The following PLCG2 variants were observed in gnomAD, a reference collection of about 807,000 sequenced individuals.
PLCG2 encodes the protein 1-phosphatidylinositol 4,5-bisphosphate phosphodiesterase gamma-2.
In PLCG2, 69 loss-of-function variants were observed where a neutral mutation model predicts 175.6. The observed-to-expected ratio is 0.39, with a 90% CI of 0.32 to 0.48. PLCG2 has a LOEUF of 0.48. Ranked by LOEUF, PLCG2 falls within the 20% of genes least tolerant of loss-of-function variation. PLCG2 has a pLI of 0.91. For synonymous variants in PLCG2, 827 were observed against 624.0 expected, an observed-to-expected ratio of 1.33 and a Z score of -4.85; for missense variants, 1,798 against 1,650.9, an observed-to-expected ratio of 1.09 and a Z score of -1.54.
Position 81,900,512 on chromosome 16 carries a change from C to T in PLCG2, c.1194-100C>T, listed in dbSNP as rs74029298. ...GGGGTTGTGCCCCCCGAGCAGCGCC[C>T]GGTTTCTGTCGTCCCAGGGAGCTGC... is the stretch of plus-strand genomic sequence containing the variant. On this transcript the variant is annotated intron_variant, in intron 13 of 32. Transcript: ENST00000564138. 4,432 of 1,088,332 alleles carry T rather than the reference C, an allele frequency of 4.1e-3. 144 individuals carry two copies. In the African/African-American group the frequency reaches 0.064, roughly 16 times the overall value. 67.4% of individuals were successfully genotyped at this position (1,088,332 alleles called of 1,614,324 possible). A position where few individuals can be genotyped will look rare whatever the true frequency, so the allele number is the denominator to read the frequency against.
At chr16:81,805,857 A>G (rs1413410885) in intron 2 of PLCG2, among the ~76,000 whole-genome samples, 2 of 145,416 alleles carry the variant, frequency 1.4e-5, no homozygotes, top group Admixed American at 1.4e-4. Flanking sequence ...GGTGAAGTGA[A>G]TCAAACTCCT....
intron 23 of PLCG2, among the ~76,000 whole-genome samples, chr16:81,928,145 C>G (rs78835630): frequency 3.6e-3 from 555 of 152,162 alleles, no homozygotes; most frequent in African/African-American, 0.013. Context: ...AAAGCCAGGT[C>G]ATAGAGCATG....
At chr16:81,763,932 A>T (rs190362862) in intron 2 of PLCG2, among the ~76,000 whole-genome samples, 1 of 151,934 alleles carries the variant, frequency 6.6e-6, no homozygotes, top group African/African-American at 2.4e-5. Flanking sequence ...TTGCCACTGC[A>T]CTCCAGCCTG....
chr16:81,920,062 AGG>A (rs1909999304), intron 20 of PLCG2, among the ~76,000 whole-genome samples: 1 of 152,192 alleles, frequency 6.6e-6, no homozygotes, highest in Non-Finnish European at 1.5e-5. Flanking sequence ...AAAGGTCCTG[AGG>A]TAGAAGCCTG....
chr16:81,908,374 G>T, intron 16 of PLCG2, 42 bp from the exon 17 acceptor site: 2 of 1,569,350 alleles, frequency 1.3e-6, no homozygotes, highest in Non-Finnish European at 1.7e-6. Context: ...GCTGGGGTTT[G>T]GTCCAAGGCT....
At chr16:81,770,907 A>G (rs1434522076) in intron 2 of PLCG2, among the ~76,000 whole-genome samples, 1 of 151,476 alleles carries the variant, frequency 6.6e-6, no homozygotes, top group African/African-American at 2.4e-5. Context: ...AAAAACAAAA[A>G]ATTAGCTGGG....
chr16:81,914,204 A>C (rs1049405463), intron 19 of PLCG2, among the ~76,000 whole-genome samples: 1 of 152,158 alleles, frequency 6.6e-6, no homozygotes, highest in Admixed American at 6.5e-5. Context: ...ACTAAACCCA[A>C]CTGGCTGAAA....
At position 81,962,140 on chromosome 16, in the gene PLCG2, C is replaced by A; in HGVS notation, c.*4142C>A. 5.4e-6 allele frequency: 1 copy of A among 185,558 alleles called. No individual in the cohort carries two copies. 11.5% of individuals were successfully genotyped at this position (185,558 alleles called of 1,614,324 possible). A position where few individuals can be genotyped will look rare whatever the true frequency, so the allele number is the denominator to read the frequency against. On this transcript the variant is annotated 3_prime_UTR_variant, in exon 33 of 33. Transcript: ENST00000564138. Reference sequence around the variant, plus strand: ...GTATACGAGTAGCTGCGCTCCCCTGCTGGAACCTCCAAACAAGCTCTCAAG... The same window carrying A: ...GTATACGAGTAGCTGCGCTCCCCTGATGGAACCTCCAAACAAGCTCTCAAG...
chr16:81,927,012 G>A (rs972167831), intron 22 of PLCG2, 70 bp from the exon 23 acceptor site: 2 of 944,114 alleles, frequency 2.1e-6, no homozygotes, highest in East Asian at 2.4e-5. Context: ...GCAGCCGGGT[G>A]CAGATGAGCA....
chr16:81,913,313 C>T (rs1379405345), intron 19 of PLCG2, among the ~76,000 whole-genome samples: 1 of 152,200 alleles, frequency 6.6e-6, no homozygotes, highest in Non-Finnish European at 1.5e-5. Context: ...TAACAGTCTG[C>T]TATATGTTGA....
rs778944000 is a variant in PLCG2 at position 81,885,798 on chromosome 16, G to A, written c.765+2457G>A. ...CCATCCACACTGAGGGCTCAGGAAA[G>A]GGTCGTAGCTACCCTAGTAGGCTGA... On this transcript the variant is annotated intron_variant, in intron 9 of 32. Coordinates refer to ENST00000564138, the MANE Select transcript of PLCG2 (RefSeq NM_002661.5). Among the ~76,000 whole-genome samples, 95 of 152,264 alleles carry A rather than the reference G, an allele frequency of 6.2e-4. 1 individual carries two copies. Among genetic ancestry groups the A allele is most frequent in the South Asian group, 8.3e-4 (4 of 4,820 alleles).
At chr16:81,808,063 T>A (rs1186984578) in intron 2 of PLCG2, among the ~76,000 whole-genome samples, 1 of 152,250 alleles carries the variant, frequency 6.6e-6, no homozygotes, top group Non-Finnish European at 1.5e-5. Context: ...TTAGGTTGTT[T>A]CTACCTTTTG....
chr16:81,921,112 A>G (rs1385264221), intron 20 of PLCG2, 86 bp from the exon 21 acceptor site: 2 of 804,828 alleles, frequency 2.5e-6, no homozygotes, highest in African/African-American at 1.7e-5. Context: ...ATAGGTAACC[A>G]TAAGGAAGCC....
chr16:81,821,079 A>C (rs1346603090), intron 2 of PLCG2, among the ~76,000 whole-genome samples: 1 of 148,622 alleles, frequency 6.7e-6, no homozygotes, highest in Admixed American at 6.7e-5. Flanking sequence ...TTTAGTAGAG[A>C]CAGGGTCTCA....
At chr16:81,753,175 C>T (rs1399588785) in intron 1 of PLCG2, among the ~76,000 whole-genome samples, 1 of 152,130 alleles carries the variant, frequency 6.6e-6, no homozygotes, top group Non-Finnish European at 1.5e-5. Flanking sequence ...CTCTCCCCGC[C>T]ACCTCAGCCT....
rs150253854 is a variant in PLCG2 at position 81,930,669 on chromosome 16, A to T, written c.2582-828A>T. On this transcript the variant is annotated intron_variant, in intron 24 of 32. Transcript: ENST00000564138. Reference sequence around the variant, plus strand: ...AGGCTGAGGTGGGAGGATCGCATGAACTTGGAAGGTGGAGGCTGCAGGGAG... The same window carrying T: ...AGGCTGAGGTGGGAGGATCGCATGATCTTGGAAGGTGGAGGCTGCAGGGAG... 2.1e-4 allele frequency among the ~76,000 whole-genome samples: 32 copies of T among 149,550 alleles called. No homozygotes were observed. In the East Asian group the frequency reaches 6.4e-3, roughly 30 times the overall value.
intron 2 of PLCG2, among the ~76,000 whole-genome samples, chr16:81,850,256 A>T (rs989100969): frequency 6.6e-6 from 1 of 152,232 alleles, no homozygotes; most frequent in East Asian, 1.9e-4. Context: ...TTATGGTTCT[A>T]TAAGAAAGTG....
At chr16:81,881,951 C>G (rs758794697) in intron 8 of PLCG2, among the ~76,000 whole-genome samples, 4 of 152,088 alleles carry the variant, frequency 2.6e-5, no homozygotes, top group Non-Finnish European at 5.9e-5. Context: ...TGTGCCCAGC[C>G]ATAATTTCTA....
At chr16:81,796,144 C>T (rs1393712254) in intron 2 of PLCG2, among the ~76,000 whole-genome samples, 1 of 152,246 alleles carries the variant, frequency 6.6e-6, no homozygotes, top group Non-Finnish European at 1.5e-5. Context: ...TGGTGAGCCA[C>T]TGGCACTGAG....
Sources: gnomAD v4.1 joint callset for allele counts (sites outside exome capture counted in the v4.1 genomes callset) on GRCh38, gnomAD v4.1.1 for gene constraint, MANE v1.5 for transcripts, NCBI Gene and HGNC (gene_info 2026-07-23, HGNC 2026-07-21) for gene names.